Variants in CDH13 observed in about 807,000 individuals in gnomAD.
The protein encoded by CDH13 is cadherin 13.
Under a neutral mutation model 63.8 loss-of-function variants are expected in CDH13, and 24 were observed. The observed-to-expected ratio is 0.38, with a 90% CI of 0.27 to 0.53. CDH13 has a LOEUF of 0.53. CDH13 is among the 20% of genes least tolerant of loss of function. CDH13 has a pLI of 0.85. For synonymous variants in CDH13, 503 were observed against 355.3 expected, an observed-to-expected ratio of 1.42 and a Z score of -4.67; for missense variants, 1,049 against 903.1, an observed-to-expected ratio of 1.16 and a Z score of -2.07.
Position 83,783,317 on chromosome 16 carries a change from T to C in CDH13, c.1979T>C (p.Met660Thr), listed in dbSNP as rs1181512759. Reference protein sequence around the residue: ...LNKANYNLPIMVTDSGKPPMT... With the variant: ...LNKANYNLPITVTDSGKPPMT... ...AAAGCAAACTACAACCTGCCCATCA[T>C]GGTGACAGATTCAGGGAAACCACCC... Residue 660 changes from methionine to threonine, a missense_variant, in exon 13 of 14, where the codon ATG becomes ACG. Met to Thr is a moderately conservative substitution (Grantham distance 81). Transcript: ENST00000567109. The C allele has an allele frequency of 6.2e-7, 1 of 1,613,986 alleles. No individual in the cohort carries two copies. Among genetic ancestry groups the C allele is most frequent in the Non-Finnish European group, 8.5e-7 (1 of 1,179,892 alleles).
intron 6 of CDH13, among the ~76,000 whole-genome samples, chr16:83,477,216 C>G (rs1338279695): frequency 1.3e-5 from 2 of 152,172 alleles, no homozygotes; most frequent in Non-Finnish European, 1.5e-5. Flanking sequence ...TAAAAATAAA[C>G]AACCTTTGAA....
At chr16:82,827,049 G>C (rs2038288373) in intron 1 of CDH13, among the ~76,000 whole-genome samples, 1 of 152,206 alleles carries the variant, frequency 6.6e-6, no homozygotes, top group African/African-American at 2.4e-5. Context: ...TGATAAAATA[G>C]GGGTTATTTC....
intron 6 of CDH13, among the ~76,000 whole-genome samples, chr16:83,421,276 T>TA (rs776188776): frequency 2.6e-4 from 40 of 152,200 alleles, no homozygotes; most frequent in Non-Finnish European, 4.3e-4. Flanking sequence ...TTGTTTAAGC[T>TA]ATATTAAGCT....
chr16:83,383,374 G>A (rs1352991964), intron 6 of CDH13, among the ~76,000 whole-genome samples: 4 of 152,042 alleles, frequency 2.6e-5, no homozygotes, highest in African/African-American at 9.7e-5. Flanking sequence ...AATCAAATTT[G>A]CAGCAAGATA....
intron 5 of CDH13, among the ~76,000 whole-genome samples, chr16:83,322,649 C>G (rs781032473): frequency 3.2e-4 from 49 of 152,040 alleles, no homozygotes; most frequent in Non-Finnish European, 6.5e-4. Flanking sequence ...AGGGGGTGCC[C>G]AGATGAAGGA....
intron 1 of CDH13, among the ~76,000 whole-genome samples, chr16:82,821,964 C>T (rs1008202202): frequency 1.3e-5 from 2 of 152,190 alleles, no homozygotes; most frequent in African/African-American, 4.8e-5. Flanking sequence ...AGGTTCCTCA[C>T]TGACTTTGTT....
At chr16:83,178,300 G>A (rs13336826) in intron 4 of CDH13, among the ~76,000 whole-genome samples, 15,718 of 152,012 alleles carry the variant, frequency 0.1, 1,258 homozygotes, top group African/African-American at 0.22. Flanking sequence ...CGCCAGCTGC[G>A]ACAACTAAAA....
chr16:82,963,074 G>A (rs761282336), intron 2 of CDH13, among the ~76,000 whole-genome samples: 2 of 151,980 alleles, frequency 1.3e-5, no homozygotes, highest in Non-Finnish European at 2.9e-5. Flanking sequence ...CAACATGTAT[G>A]GTGTTAAAGA....
intron 2 of CDH13, among the ~76,000 whole-genome samples, chr16:82,977,006 A>G (rs901125918): frequency 3.3e-5 from 5 of 152,230 alleles, no homozygotes; most frequent in Non-Finnish European, 7.3e-5. Context: ...ATCACCCCCA[A>G]CAAATGGTGC....
At chr16:83,617,818 A>G (rs1032603167) in intron 8 of CDH13, among the ~76,000 whole-genome samples, 2 of 151,954 alleles carry the variant, frequency 1.3e-5, no homozygotes, top group African/African-American at 4.8e-5. Flanking sequence ...CTGTTCTAAT[A>G]TATAATATTT....
At chr16:82,693,034 A>G (rs909885650) in intron 1 of CDH13, among the ~76,000 whole-genome samples, 7 of 152,128 alleles carry the variant, frequency 4.6e-5, no homozygotes, top group African/African-American at 7.2e-5. Flanking sequence ...GCAAGTTGTC[A>G]TTGTTGAGGA....
intron 8 of CDH13, among the ~76,000 whole-genome samples, chr16:83,608,416 A>G (rs1391001828): frequency 6.6e-6 from 1 of 152,208 alleles, no homozygotes; most frequent in Non-Finnish European, 1.5e-5. Context: ...CCAATTTCTA[A>G]AAGTCAGTGT....
At position 82,972,026 on chromosome 16, in the gene CDH13, A is replaced by G. The variant is rs533113732; in HGVS notation, c.158-59984A>G. On this transcript the variant is annotated intron_variant, in intron 2 of 13. Coordinates refer to ENST00000567109, the MANE Select transcript of CDH13 (RefSeq NM_001257.5). Reference sequence around the variant, plus strand: ...CCTGCCATAAGCTTATTTGTATTTCACAGCGACTTGCACAGATGTGCCAGA... The same window carrying G: ...CCTGCCATAAGCTTATTTGTATTTCGCAGCGACTTGCACAGATGTGCCAGA... Among the ~76,000 whole-genome samples, 52 of 152,322 alleles carry G rather than the reference A, an allele frequency of 3.4e-4. No individual in the cohort carries two copies. The South Asian group carries it at 7.3e-3, about 21-fold the overall frequency.
At chr16:83,095,549 A>G (rs1398742223) in intron 3 of CDH13, among the ~76,000 whole-genome samples, 1 of 152,182 alleles carries the variant, frequency 6.6e-6, no homozygotes, top group East Asian at 1.9e-4. Flanking sequence ...TTATCTTTCT[A>G]TGATTTTTCT....
intron 6 of CDH13, among the ~76,000 whole-genome samples, chr16:83,465,982 G>A (rs11641561): frequency 0.47 from 71,409 of 151,968 alleles, 17,402 homozygotes; most frequent in East Asian, 0.82. Context: ...TCTACAGGGA[G>A]GAGAAGTCTC....
chr16:82,801,300 G>A (rs541201717), intron 1 of CDH13, among the ~76,000 whole-genome samples: 5 of 152,266 alleles, frequency 3.3e-5, no homozygotes, highest in East Asian at 1.9e-4. Context: ...GTGATTCCAC[G>A]AATCATTGTC....
At chr16:83,214,441 A>G (rs2039433327) in intron 4 of CDH13, among the ~76,000 whole-genome samples, 2 of 151,820 alleles carry the variant, frequency 1.3e-5, no homozygotes, top group African/African-American at 2.4e-5. Flanking sequence ...TTAGCCAGGC[A>G]TGGTGGCGTG....
intron 10 of CDH13, among the ~76,000 whole-genome samples, chr16:83,743,199 C>A (rs1444394103): frequency 6.6e-6 from 1 of 152,070 alleles, no homozygotes. Flanking sequence ...CAGAGCAAGA[C>A]TCCGTCTCAA....
intron 3 of CDH13, among the ~76,000 whole-genome samples, chr16:83,072,993 A>T (rs1787920169): frequency 6.6e-6 from 1 of 152,160 alleles, no homozygotes; most frequent in Non-Finnish European, 1.5e-5. Context: ...ATTTACTAGG[A>T]TGTGAAAGAA....
Sources: allele counts gnomAD v4.1 joint callset (sites outside exome capture counted in the v4.1 genomes callset), GRCh38; gene constraint gnomAD v4.1.1; transcripts MANE v1.5; gene names NCBI Gene and HGNC (gene_info 2026-07-23, HGNC 2026-07-21).